Variants in IQSEC2 observed in about 807,000 individuals in gnomAD.
IQSEC2 encodes the protein IQ motif and SEC7 domain-containing protein 2.
In IQSEC2, 6 loss-of-function variants were observed where a neutral mutation model predicts 74.6. The observed-to-expected ratio is 0.08, with a 90% confidence interval of 0.04 to 0.16. The LOEUF (loss-of-function observed/expected upper bound fraction) is 0.16. IQSEC2 is among the 10% of genes least tolerant of loss of function. The pLI is 1.00. For synonymous variants in IQSEC2, 494 were observed against 544.5 expected (o/e 0.91, Z 1.29); for missense variants, 734 against 1,306.2 (o/e 0.56, Z 6.75).
chrX:53,300,065 G>C (rs2075196546), intron 1 of IQSEC2, among the ~76,000 whole-genome samples: 1 of 111,348 alleles, frequency 9.0e-6, no homozygotes, highest in Non-Finnish European at 1.9e-5. Flanking sequence ...TGCCCGGACA[G>C]AAAAGACTTT....
intron 2 of IQSEC2, among the ~76,000 whole-genome samples, chrX:53,275,403 C>T (rs2074813261): frequency 9.0e-6 from 1 of 111,703 alleles, no homozygotes; most frequent in Non-Finnish European, 1.9e-5. Flanking sequence ...ATCCACCCGC[C>T]TCAGCCTCCC....
At chrX:53,285,784 G>A (rs1189731121) in intron 2 of IQSEC2, among the ~76,000 whole-genome samples, 1 of 112,746 alleles carries the variant, frequency 8.9e-6, no homozygotes, top group African/African-American at 3.2e-5. Flanking sequence ...CCTCTGAGGA[G>A]GTGATGGGAA....
chrX:53,311,678 G>T (rs1311404946), intron 1 of IQSEC2, among the ~76,000 whole-genome samples: 2 of 112,135 alleles, frequency 1.8e-5, no homozygotes, highest in African/African-American at 6.5e-5. Flanking sequence ...TACTTTGGGA[G>T]GCCAGGGCAG....
chrX:53,234,062 G>T lies in IQSEC2; in HGVS notation c.*157C>A. The T allele has an allele frequency of 6.4e-6, 2 of 311,814 alleles. No homozygotes were observed. Among genetic ancestry groups the T allele is most frequent in the Middle Eastern group, 5.8e-4 (1 of 1,727 alleles). 25.7% of individuals were successfully genotyped at this position (311,814 alleles called of 1,213,427 possible). ...GGAAACCCCATGGCAACTGCTGGGGGTGAGAGGACGGGTCCCAAGGCAGGG... is the reference window on the plus strand; with the variant it reads ...GGAAACCCCATGGCAACTGCTGGGGTTGAGAGGACGGGTCCCAAGGCAGGG... On this transcript the variant is annotated 3_prime_UTR_variant, in exon 15 of 15. Transcript: ENST00000642864.
intron 2 of IQSEC2, chrX:53,266,994 A>G: frequency 8.7e-7 from 1 of 1,153,647 alleles, no homozygotes; most frequent in South Asian, 1.9e-5. Flanking sequence ...CTGCACTCGG[A>G]GGCCGGACAG....
chrX:53,320,968 G>A lies in IQSEC2; in HGVS notation c.156C>T (p.Asp52=). Residue 52 remains aspartate, a synonymous_variant, in exon 1 of 15, where the codon GAC becomes GAT. Transcript: ENST00000642864. The part of the protein sequence containing the change: ...RRIEELEGQL[D]QLTQENRDLR... ...GGTCGCGGTTCTCCTGGGTGAGCTG[G>A]TCCAGCTGGCCCTCCAGCTCCTCGA... 8.6e-7 allele frequency: 1 copy of A among 1,160,835 alleles called. No individual in the cohort carries two copies. The highest frequency in any genetic ancestry group is 1.1e-6 in the Non-Finnish European group (1 of 872,542).
intron 2 of IQSEC2, among the ~76,000 whole-genome samples, chrX:53,272,658 C>G (rs1408051099): frequency 9.0e-6 from 1 of 111,398 alleles, no homozygotes; most frequent in African/African-American, 3.3e-5. Context: ...CCAGAACTCC[C>G]TACTTGGAAT....
chrX:53,274,189 T>C (rs905132513), intron 2 of IQSEC2, among the ~76,000 whole-genome samples: 24 of 111,256 alleles, frequency 2.2e-4, no homozygotes, highest in African/African-American at 7.5e-4. Context: ...CAGTTTGGAT[T>C]GTGGTGTTTT....
intron 2 of IQSEC2, among the ~76,000 whole-genome samples, chrX:53,291,625 G>C (rs1239330682): frequency 9.0e-6 from 1 of 111,164 alleles, no homozygotes; most frequent in Non-Finnish European, 1.9e-5. Context: ...TATCTGGGCA[G>C]CTCCTATGAG....
chrX:53,235,972 G>A (rs1406088395), intron 13 of IQSEC2, 140 bp from the exon 14 acceptor site: 4 of 570,365 alleles, frequency 7.0e-6, no homozygotes, highest in Non-Finnish European at 1.1e-5. Flanking sequence ...AAGAGGGGGA[G>A]GCGGGGAGGA....
chrX:53,277,720 G>C (rs914803426), intron 2 of IQSEC2, among the ~76,000 whole-genome samples: 2 of 110,896 alleles, frequency 1.8e-5, no homozygotes, highest in East Asian at 2.8e-4. Context: ...ACCCAGGCTG[G>C]AGTGCAGTGG....
At chrX:53,243,170 G>A (rs909797875) in intron 9 of IQSEC2, among the ~76,000 whole-genome samples, 162 bp downstream of exon 9, 5 of 112,018 alleles carry the variant, frequency 4.5e-5, no homozygotes, top group Admixed American at 2.8e-4. Flanking sequence ...GAATGTGCTC[G>A]ATGCATTCAC....
chrX:53,298,108 C>T (rs782771625), intron 1 of IQSEC2, among the ~76,000 whole-genome samples: 2 of 110,453 alleles, frequency 1.8e-5, no homozygotes, highest in East Asian at 2.9e-4. Context: ...CCAGACCGGG[C>T]GACACAGCGA....
chrX:53,227,746 A>C, downstream of IQSEC2: 1 of 227,256 alleles, frequency 4.4e-6, no homozygotes, highest in Non-Finnish European at 8.0e-6. Context: ...CTTTCCATCT[A>C]GAGGCTCAAG....
At chrX:53,308,163 CAAAAAAA>C (rs142766855) in intron 1 of IQSEC2, among the ~76,000 whole-genome samples, 1 of 37,775 alleles carries the variant, frequency 2.6e-5, no homozygotes, top group African/African-American at 1.1e-4. Context: ...GACTCCATCT[CAAAAAAA>C]AAAAAAAAAA....
chrX:53,286,493 C>G (rs1556871769), intron 2 of IQSEC2, among the ~76,000 whole-genome samples: 2 of 111,895 alleles, frequency 1.8e-5, no homozygotes, highest in African/African-American at 6.5e-5. Context: ...CGGCCCCTTG[C>G]TGCCTTGTGT....
chrX:53,260,418 A>G (rs1156398601), intron 2 of IQSEC2, among the ~76,000 whole-genome samples: 1 of 111,825 alleles, frequency 8.9e-6, no homozygotes, highest in Non-Finnish European at 1.9e-5. Context: ...AAAGGGCATG[A>G]GCCTACAATA....
At position 53,311,121 on chromosome X, in the gene IQSEC2, C is replaced by CAA. The variant is rs56198617; in HGVS notation, c.707+9294_707+9295dup. ...GGTGACAGAACGAGAGACTCCATCTCAAAAAAAAAAAAAAGAAAAGAAAAG... is the reference window on the plus strand; with the variant it reads ...GGTGACAGAACGAGAGACTCCATCTCAAAAAAAAAAAAAAAAGAAAAGAAAAG... On this transcript the variant is annotated intron_variant, in intron 1 of 14. Transcript: ENST00000642864. Among the ~76,000 whole-genome samples the CAA allele has an allele frequency of 3.2e-4, 7 of 21,571 alleles. 1 individual carries two copies. The highest frequency in any genetic ancestry group is 2.2e-3 in the Admixed American group (2 of 916). 18.7% of individuals were successfully genotyped at this position (21,571 alleles called of 115,157 possible).
chrX:53,267,099 C>T, intron 2 of IQSEC2: 4 of 1,134,428 alleles, frequency 3.5e-6, no homozygotes, highest in Non-Finnish European at 4.6e-6. Flanking sequence ...AGGCCACAGG[C>T]GGTGGGTGAC....
Sources: gnomAD v4.1 joint callset for allele counts (sites outside exome capture counted in the v4.1 genomes callset) on GRCh38, gnomAD v4.1.1 for gene constraint, MANE v1.5 for transcripts, NCBI Gene and HGNC (gene_info 2026-07-23, HGNC 2026-07-21) for gene names.